Variants in ELFN2 observed in about 807,000 individuals in gnomAD.
ELFN2 encodes the protein extracellular leucine rich repeat and fibronectin type III domain containing 2.
A neutral mutation model predicts 45.5 loss-of-function variants in ELFN2; 17 were observed. The ratio of observed to expected loss-of-function variants is 0.37; its 90% confidence interval spans 0.26 to 0.56. The LOEUF is 0.56. ELFN2 is among the 20% of genes least tolerant of loss of function. The pLI is 0.77. For missense variants in ELFN2, 922 were observed against 1,183.2 expected, an observed-to-expected ratio of 0.78 and a Z score of 3.24; for synonymous variants, 550 against 551.5, an observed-to-expected ratio of 1.00 and a Z score of 0.04.
intron 1 of ELFN2, among the ~76,000 whole-genome samples, chr22:37,343,795 C>CTCTAAT (rs1930622162): frequency 6.6e-6 from 1 of 151,456 alleles, no homozygotes; most frequent in Non-Finnish European, 1.5e-5. Context: ...CCCTCCAGCT[C>CTCTAAT]CCAAACCCTT....
rs564408490 is a variant in ELFN2, at chr22:37,374,495, G to C, written c.1040C>G (p.Thr347Arg). 6.2e-7 allele frequency: 1 copy of C among 1,614,248 alleles called. No individual in the cohort carries two copies. The highest frequency in any genetic ancestry group is 1.3e-5 in the African/African-American group (1 of 75,076). Residue 347 changes from threonine to arginine, a missense_variant, in exon 3 of 3, where the codon ACG becomes AGG. This residue lies in a region of ELFN2 where 358 missense variants were observed against 540.4 expected (regional missense o/e 0.66). Coordinates refer to ENST00000402918, the MANE Select transcript of ELFN2 (RefSeq NM_052906.5). ...MTLKNKKEIV[T>R]LDKLRAHTEY... is the part of the protein sequence containing the mutation. ...AGTGTGCGCCCGCAGTTTGTCCAGCGTCACGATCTCCTTCTTGTTCTTGAG... is the reference window on the plus strand; with the variant it reads ...AGTGTGCGCCCGCAGTTTGTCCAGCCTCACGATCTCCTTCTTGTTCTTGAG...
intron 1 of ELFN2, among the ~76,000 whole-genome samples, chr22:37,347,198 C>T (rs991936544): frequency 1.3e-5 from 2 of 151,976 alleles, no homozygotes; most frequent in Non-Finnish European, 2.9e-5. Context: ...AGGCTGGTCT[C>T]GAACTCCTGA....
intron 2 of ELFN2, among the ~76,000 whole-genome samples, chr22:37,387,590 C>T (rs747726601): frequency 4.6e-5 from 7 of 152,144 alleles, no homozygotes; most frequent in South Asian, 2.1e-4. Context: ...CCAGGCACAG[C>T]GCCTGACATG....
chr22:37,379,081 G>A (rs1931672314), intron 2 of ELFN2, among the ~76,000 whole-genome samples: 2 of 152,228 alleles, frequency 1.3e-5, no homozygotes, highest in African/African-American at 2.4e-5. Context: ...GGGAGGAGGT[G>A]AGGACTGAGA....
intron 2 of ELFN2, among the ~76,000 whole-genome samples, chr22:37,387,637 C>T (rs1433002368): frequency 1.3e-5 from 2 of 152,128 alleles, no homozygotes; most frequent in African/African-American, 4.8e-5. Flanking sequence ...CTAAGTCCTG[C>T]CACCTTCTTC....
intron 2 of ELFN2, among the ~76,000 whole-genome samples, chr22:37,383,084 TC>T (rs964195916): frequency 1.6e-4 from 24 of 152,300 alleles, no homozygotes; most frequent in Admixed American, 1.0e-3. Context: ...TGGTGTCAAG[TC>T]CCTCCTGCCC....
intron 1 of ELFN2, among the ~76,000 whole-genome samples, chr22:37,425,016 G>A (rs1376626375): frequency 6.6e-6 from 1 of 152,084 alleles, no homozygotes; most frequent in Non-Finnish European, 1.5e-5. Context: ...TGTTACAGAG[G>A]AGAGACTGAG....
At chr22:37,395,368 A>C (rs1932189105) in intron 2 of ELFN2, among the ~76,000 whole-genome samples, 1 of 152,172 alleles carries the variant, frequency 6.6e-6, no homozygotes, top group South Asian at 2.1e-4. Flanking sequence ...CAATCACTTC[A>C]TGAAAACCCC....
intron 1 of ELFN2, among the ~76,000 whole-genome samples, chr22:37,347,629 G>C (rs1430550303): frequency 7.1e-6 from 1 of 141,806 alleles, no homozygotes; most frequent in Admixed American, 7.1e-5. Context: ...TTGTATAGGT[G>C]GTGGGTGGCA....
At chr22:37,420,226 G>T (rs1281158552) in intron 1 of ELFN2, 1 of 151,212 alleles carries the variant, frequency 6.6e-6, no homozygotes, top group East Asian at 2.0e-4. Context: ...TCCCCACCAC[G>T]CCAGGTCCGC....
chr22:37,379,880 G>A (rs1419216920), intron 2 of ELFN2, among the ~76,000 whole-genome samples: 1 of 152,132 alleles, frequency 6.6e-6, no homozygotes, highest in Admixed American at 6.5e-5. Flanking sequence ...GCCCCTCTCT[G>A]GACTCAGAAC....
intron 2 of ELFN2, among the ~76,000 whole-genome samples, chr22:37,416,912 C>G (rs1932765069): frequency 6.6e-6 from 1 of 152,134 alleles, no homozygotes; most frequent in South Asian, 2.1e-4. Flanking sequence ...GGGACCACCG[C>G]ACCTTGGAGA....
At chr22:37,425,287 C>T (rs902760851) in intron 1 of ELFN2, among the ~76,000 whole-genome samples, 6 of 152,138 alleles carry the variant, frequency 3.9e-5, no homozygotes, top group Non-Finnish European at 5.9e-5. Context: ...GTTCAGCAGC[C>T]AATGGTGCTG....
chr22:37,381,393 AG>A (rs1931761378), intron 2 of ELFN2, among the ~76,000 whole-genome samples: 1 of 152,102 alleles, frequency 6.6e-6, no homozygotes, highest in Non-Finnish European at 1.5e-5. Flanking sequence ...TCAATCAGGA[AG>A]TACTGATTCC....
At chr22:37,393,767 C>T (rs1198099612) in intron 2 of ELFN2, among the ~76,000 whole-genome samples, 1 of 152,170 alleles carries the variant, frequency 6.6e-6, no homozygotes, top group Non-Finnish European at 1.5e-5. Context: ...CAACAGGAGG[C>T]CCCAGCACTC....
At chr22:37,393,491 C>G (rs576036440) in intron 2 of ELFN2, among the ~76,000 whole-genome samples, 2 of 152,208 alleles carry the variant, frequency 1.3e-5, no homozygotes, top group Non-Finnish European at 2.9e-5. Flanking sequence ...TGACACCCCC[C>G]ACCAGTTGCC....
chr22:37,375,838 C>T lies in ELFN2; in HGVS notation c.-304G>A, dbSNP rs111745369. ...GTTCTCAGGGCTTGACTTCCTCTCC[C>T]TCCTCCTCCTCCTCCTCCTCCTCCT... is the stretch of plus-strand genomic sequence containing the variant. On this transcript the variant is annotated 5_prime_UTR_variant, in exon 3 of 3. Coordinates refer to ENST00000402918, the MANE Select transcript of ELFN2 (RefSeq NM_052906.5). The T allele has an allele frequency of 1.1e-5, 3 of 262,860 alleles. No individual in the cohort carries two copies. The highest frequency in any genetic ancestry group is 3.3e-5 in the African/African-American group (1 of 30,490). The allele number at this position is 262,860 out of a possible 1,614,324, so 16.3% of individuals were successfully genotyped here.
At position 37,373,302 on chromosome 22, in the gene ELFN2, G is replaced by A. The variant is rs200692409; in HGVS notation, c.2233C>T (p.Gln745Ter). 3 of 1,613,760 alleles carry A rather than the reference G, an allele frequency of 1.9e-6. No homozygotes were observed. The highest frequency in any genetic ancestry group is 3.3e-5 in the Admixed American group (2 of 60,026). ...GAGTAGTAGTGTCTGGGGGAGAGCT[G>A]CGAGTAGGTGGAGTCACGCTTGGAG... ...TRSKRDSTYS[Q>*]LSPRHYYSGY... Residue 745 changes from glutamine (Q) to a stop codon, truncating the protein, a stop_gained, in exon 3 of 3, where the codon CAG becomes TAG. Transcript: ENST00000402918. LOFTEE classifies it high-confidence loss of function.
chr22:37,355,754 T>C (rs1213466343), intron 1 of ELFN2, among the ~76,000 whole-genome samples: 1 of 152,122 alleles, frequency 6.6e-6, no homozygotes, highest in African/African-American at 2.4e-5. Flanking sequence ...TCACACCGAG[T>C]GAACTCAGCA....
Sources: allele counts gnomAD v4.1 joint callset (sites outside exome capture counted in the v4.1 genomes callset), GRCh38; gene constraint gnomAD v4.1.1; regional missense constraint gnomAD v4.1.1; transcripts MANE v1.5; gene names NCBI Gene and HGNC (gene_info 2026-07-23, HGNC 2026-07-21).